The following CD83 variants were observed in gnomAD, a reference collection of about 807,000 sequenced individuals.
CD83 encodes the protein CD83 molecule, also known as CD83 antigen.
In CD83, 22 loss-of-function variants were observed where a neutral mutation model predicts 24.6. That is an observed-to-expected ratio of 0.90 (90% CI 0.64 to 1.28). The LOEUF is 1.28. Among genes scored for constraint, CD83 ranks in the 50% most tolerant of loss-of-function variants. The pLI is 0.00. For synonymous variants in CD83, 101 were observed against 103.5 expected (o/e 0.98, Z 0.14); for missense variants, 253 against 252.8 (o/e 1.00, Z -0.01).
chr6:14,134,035 G>A (rs1197906867), intron 4 of CD83, among the ~76,000 whole-genome samples: 1 of 152,204 alleles, frequency 6.6e-6, no homozygotes, highest in East Asian at 1.9e-4. Flanking sequence ...TTCTATGCAA[G>A]AGCAGAGGCC....
intron 2 of CD83, among the ~76,000 whole-genome samples, chr6:14,120,957 A>G (rs1561828609): frequency 6.6e-6 from 1 of 152,192 alleles, no homozygotes; most frequent in South Asian, 2.1e-4. Context: ...CACATGTGCA[A>G]GAGGCTAAAG....
chr6:14,131,770 G>A (rs754001447), intron 3 of CD83, 22 bp downstream of exon 3: 2 of 1,524,094 alleles, frequency 1.3e-6, no homozygotes, highest in South Asian at 2.2e-5. Context: ...TGCTGCACTT[G>A]TTTTCTTCTT....
intron 2 of CD83, among the ~76,000 whole-genome samples, chr6:14,119,386 A>C (rs1208086995): frequency 2.0e-5 from 3 of 152,248 alleles, no homozygotes; most frequent in Non-Finnish European, 2.9e-5. Context: ...AGTATTTTTA[A>C]AAATATTGTA....
intron 4 of CD83, among the ~76,000 whole-genome samples, chr6:14,133,972 GA>G (rs1264967845): frequency 2.0e-5 from 3 of 147,886 alleles, no homozygotes; most frequent in Non-Finnish European, 3.0e-5. Flanking sequence ...GAGCATTGTG[GA>G]AAAAAAAAAC....
chr6:14,133,390 C>T lies in CD83; in HGVS notation c.383-259C>T, dbSNP rs141821136. 2.2e-4 allele frequency among the ~76,000 whole-genome samples: 33 copies of T among 152,346 alleles called. 1 individual carries two copies. In the East Asian group the frequency reaches 6.4e-3, roughly 29 times the overall value. ...CCTCTCTGAGCCTCGGCTCTTTCAT[C>T]TGTAAAATGGGACTACTCAGGCCTG... On this transcript the variant is annotated intron_variant, in intron 3 of 4. Transcript: ENST00000379153.
At chr6:14,133,609 C>T (rs375125779) in intron 3 of CD83, 40 bp from the exon 4 acceptor site, 1 of 1,365,248 alleles carries the variant, frequency 7.3e-7, no homozygotes. Flanking sequence ...GTAGAAAAAT[C>T]CTGTTAAAAT....
chr6:14,134,632 T>A (rs578010417), intron 4 of CD83, among the ~76,000 whole-genome samples: 10 of 152,188 alleles, frequency 6.6e-5, no homozygotes, highest in Non-Finnish European at 1.5e-4. Context: ...CTATTTTAGA[T>A]ACCAGTCAAT....
At chr6:14,124,634 G>A (rs955819942) in intron 2 of CD83, among the ~76,000 whole-genome samples, 3 of 152,100 alleles carry the variant, frequency 2.0e-5, no homozygotes, top group Non-Finnish European at 4.4e-5. Flanking sequence ...ATGGTGGTGC[G>A]GGGTGCCTTA....
chr6:14,133,665 T>C lies in CD83; in HGVS notation c.399T>C (p.Arg133=). ...ILRVTGCPAQ[R]KEETFKKYRA... ...TTTTTAAAGGATGCCCTGCACAGCG[T>C]AAAGAAGAGACTTTTAAGAAATACA... Residue 133 remains arginine (R), a synonymous_variant, in exon 4 of 5, where the codon CGT becomes CGC. Coordinates refer to ENST00000379153, the MANE Select transcript of CD83 (RefSeq NM_004233.4). 6.2e-7 allele frequency: 1 copy of C among 1,613,004 alleles called. No homozygotes were observed. Among genetic ancestry groups the C allele is most frequent in the Non-Finnish European group, 8.5e-7 (1 of 1,179,158 alleles).
intron 2 of CD83, 68 bp downstream of exon 2, chr6:14,118,133 C>T (rs940166585): frequency 4.3e-6 from 5 of 1,165,648 alleles, no homozygotes; most frequent in Admixed American, 2.4e-5. Flanking sequence ...AACCATCTCC[C>T]CTAGGCTGGC....
Position 14,117,847 on chromosome 6 carries a change from C to T in CD83, c.36C>T (p.Cys12=), listed in dbSNP as rs975205432. 22 of 1,574,500 alleles carry T rather than the reference C, an allele frequency of 1.4e-5. No individual in the cohort carries two copies. The South Asian group carries it at 1.8e-4, about 13-fold the overall frequency. ...GCCTCCAGCTTCTGCTCCTGAGCTGCGGTAGGGCTCGCGAGCGCCTGTCTC... is the reference window on the plus strand; with the variant it reads ...GCCTCCAGCTTCTGCTCCTGAGCTGTGGTAGGGCTCGCGAGCGCCTGTCTC... ...SRGLQLLLLS[C]AYSLAPATPE... Residue 12 remains cysteine (C), a splice_region_variant and synonymous_variant, in exon 1 of 5, where the codon TGC becomes TGT. Coordinates refer to ENST00000379153, the MANE Select transcript of CD83 (RefSeq NM_004233.4). This position sits in a 1 kb window ranked among gnomAD's most constrained non-coding sequence, Gnocchi z 4.6.
At chr6:14,121,375 A>G (rs1208398018) in intron 2 of CD83, among the ~76,000 whole-genome samples, 4 of 151,432 alleles carry the variant, frequency 2.6e-5, no homozygotes, top group Admixed American at 6.6e-5. Flanking sequence ...CAAGATTTCA[A>G]TACATTGCCC....
chr6:14,129,650 C>G lies in CD83; in HGVS notation c.154-1870C>G, dbSNP rs572269516. Among the ~76,000 whole-genome samples the G allele has an allele frequency of 2.0e-4, 30 of 152,236 alleles. No individual in the cohort carries two copies. The highest frequency in any genetic ancestry group is 7.0e-4 in the African/African-American group (29 of 41,554). ...GTCCGCAGACTCGGCCTGAGAAGAG[C>G]CGTTCATCTCAGCTCAGGGCTGGGA... On this transcript the variant is annotated intron_variant, in intron 2 of 4. Transcript: ENST00000379153. This position sits in a 1 kb window ranked among gnomAD's most constrained non-coding sequence, Gnocchi z 4.3.
At position 14,118,014 on chromosome 6, in the gene CD83, C is replaced by G. The variant is rs774322730; in HGVS notation, c.102C>G (p.Pro34=). 4.0e-5 allele frequency: 64 copies of G among 1,611,206 alleles called. No homozygotes were observed. The highest frequency in any genetic ancestry group is 3.3e-4 in the Middle Eastern group (2 of 6,084). Residue 34 remains proline (P), a synonymous_variant, in exon 2 of 5, where the codon CCC becomes CCG. Transcript: ENST00000379153. The stretch of plus-strand genomic sequence containing the variant: ...CTTGCTCCGAAGATGTGGACTTGCC[C>G]TGCACCGCCCCCTGGGATCCGCAGG... ...KVACSEDVDL[P]CTAPWDPQVP...
rs367556018 is a variant in CD83, at chr6:14,129,833, C to CTCTGTGTG, written c.154-1686_154-1685insCTGTGTGT. Among the ~76,000 whole-genome samples the CTCTGTGTG allele has an allele frequency of 2.1e-4, 31 of 147,800 alleles. No individual in the cohort carries two copies. The highest frequency in any genetic ancestry group is 7.4e-4 in the African/African-American group (30 of 40,388). On this transcript the variant is annotated intron_variant, in intron 2 of 4. Coordinates refer to ENST00000379153, the MANE Select transcript of CD83 (RefSeq NM_004233.4). The surrounding 1 kb of genome is among the most constrained non-coding windows in gnomAD (Gnocchi z 4.3). ...GAATTAATAAATGAAGCAGAAATGA[C>CTCTGTGTG]TGTGTGTGTGTGTGTGTGTGTGTGT... is the stretch of plus-strand genomic sequence containing the variant.
At chr6:14,117,349 C>A (rs575143143), upstream of CD83, 1 of 152,188 alleles carries the variant, frequency 6.6e-6, no homozygotes, top group Non-Finnish European at 1.5e-5. The surrounding 1 kb of genome is among the most constrained non-coding windows in gnomAD (Gnocchi z 4.6). Context: ...CCCACCCTCT[C>A]GGAATCTGGT....
chr6:14,121,362 G>A (rs1759664528), intron 2 of CD83, among the ~76,000 whole-genome samples: 1 of 151,266 alleles, frequency 6.6e-6, no homozygotes, highest in African/African-American at 2.4e-5. Flanking sequence ...TTTTTTGTAG[G>A]GACAAGATTT....
intron 2 of CD83, among the ~76,000 whole-genome samples, chr6:14,128,364 A>G (rs1759870882): frequency 6.6e-6 from 1 of 152,194 alleles, no homozygotes; most frequent in Non-Finnish European, 1.5e-5. Flanking sequence ...TTAACATAAA[A>G]ACTACCACGC....
chr6:14,129,987 A>G lies in CD83; in HGVS notation c.154-1533A>G, dbSNP rs1759909506. Among the ~76,000 whole-genome samples, 1 of 152,030 alleles carries G rather than the reference A, an allele frequency of 6.6e-6. No individual in the cohort carries two copies. The highest frequency in any genetic ancestry group is 2.1e-4 in the South Asian group (1 of 4,822). On this transcript the variant is annotated intron_variant, in intron 2 of 4. Coordinates refer to ENST00000379153, the MANE Select transcript of CD83 (RefSeq NM_004233.4). This position sits in a 1 kb window ranked among gnomAD's most constrained non-coding sequence, Gnocchi z 4.3. ...AGTTCCTTCCTAAAAGTCAGAGAAG[A>G]GTTGTAGGGTGCTCCCAGAACGGGA...
Sources: gnomAD v4.1 joint callset for allele counts (sites outside exome capture counted in the v4.1 genomes callset) on GRCh38, gnomAD v4.1.1 for gene constraint, Gnocchi (gnomAD v3.1) non-coding constraint, MANE v1.5 for transcripts, NCBI Gene and HGNC (gene_info 2026-07-23, HGNC 2026-07-21) for gene names.